Variants in LAMA4 observed in about 807,000 individuals in gnomAD.
LAMA4 encodes laminin subunit alpha-4.
A neutral mutation model predicts 207.1 loss-of-function variants in LAMA4; 127 were observed. The ratio of observed to expected loss-of-function variants is 0.61; its 90% CI spans 0.53 to 0.71. The LOEUF is 0.71. Ranked by LOEUF, LAMA4 falls within the 30% of genes least tolerant of loss-of-function variation. The pLI is 0.00. For synonymous variants in LAMA4, 761 were observed against 816.0 expected, an observed-to-expected ratio of 0.93 and a Z score of 1.15; for missense variants, 2,093 against 2,246.5, an observed-to-expected ratio of 0.93 and a Z score of 1.38.
chr6:112,141,297 C>T, intron 21 of LAMA4, 61 bp downstream of exon 21: 3 of 1,463,112 alleles, frequency 2.1e-6, no homozygotes, highest in South Asian at 2.3e-5. Context: ...CGCACATGTG[C>T]ACGTTCAACA....
chr6:112,186,370 C>T (rs1370965240), intron 8 of LAMA4, among the ~76,000 whole-genome samples: 1 of 152,186 alleles, frequency 6.6e-6, no homozygotes, highest in Non-Finnish European at 1.5e-5. Flanking sequence ...CAATCATTTT[C>T]CTAAATTGAC....
Position 112,172,437 on chromosome 6 carries a change from G to T in LAMA4, c.1551+174C>A, listed in dbSNP as rs782564570. 6.3e-6 allele frequency: 4 copies of T among 639,028 alleles called. No individual in the cohort carries two copies. The East Asian group carries it at 8.5e-5, about 14-fold the overall frequency. 39.6% of individuals were successfully genotyped at this position (639,028 alleles called of 1,614,324 possible). On this transcript the variant is annotated intron_variant, in intron 12 of 38. Transcript: ENST00000230538. ...TAGACAATTATCCTAGTTTCAACTT[G>T]ATTTTAGGAACACACAAGTTAGTAA...
Position 112,133,475 on chromosome 6 carries a change from T to G in LAMA4, c.3570A>C (p.Ala1190=), listed in dbSNP as rs1554330591. The G allele has an allele frequency of 6.2e-7, 1 of 1,613,654 alleles. No homozygotes were observed. The highest frequency in any genetic ancestry group is 2.2e-5 in the East Asian group (1 of 44,874). ...TGAAGTTGATATCTAGGGGAAGGTG[T>G]GCTCTGAGGGCCCTGGAAAAGAAAG... ...PEILQSRALR[A]HLPLDINFRG... The change falls in exon 27 of 39, where the codon GCA becomes GCC. Residue 1190 remains alanine, a synonymous_variant. Coordinates refer to ENST00000230538, the MANE Select transcript of LAMA4 (RefSeq NM_001105206.3).
chr6:112,248,392 G>A (rs1562110376), intron 2 of LAMA4, among the ~76,000 whole-genome samples: 3 of 151,768 alleles, frequency 2.0e-5, no homozygotes, highest in Admixed American at 6.6e-5. Flanking sequence ...CCAGCTACTC[G>A]GGAGGCTGAT....
At position 112,117,107 on chromosome 6, in the gene LAMA4, G is replaced by A. The variant is rs1002029959; in HGVS notation, c.4981+632C>T. 2.6e-5 allele frequency among the ~76,000 whole-genome samples: 4 copies of A among 152,102 alleles called. No homozygotes were observed. The highest frequency in any genetic ancestry group is 5.9e-5 in the Non-Finnish European group (4 of 68,014). ...ATCCTAATTCCGGGCACTTATTCTG[G>A]TGTCTTCCTCACACCCAGCGATTGC... On this transcript the variant is annotated intron_variant, in intron 35 of 38. Coordinates refer to ENST00000230538, the MANE Select transcript of LAMA4 (RefSeq NM_001105206.3). The surrounding 1 kb of genome is among the most constrained non-coding windows in gnomAD (Gnocchi z 4.5).
chr6:112,190,903 CT>C (rs1291096589), intron 6 of LAMA4, among the ~76,000 whole-genome samples: 2 of 86,602 alleles, frequency 2.3e-5, no homozygotes, highest in African/African-American at 4.4e-5. Context: ...TTCTTTCTTT[CT>C]TTCTTTCTTT....
chr6:112,138,474 C>T (rs1779485041), intron 24 of LAMA4, among the ~76,000 whole-genome samples: 1 of 152,124 alleles, frequency 6.6e-6, no homozygotes, highest in Non-Finnish European at 1.5e-5. Flanking sequence ...TACTTAATTA[C>T]ATTTTCTCAC....
rs141633339 is a variant in LAMA4, at chr6:112,178,169, C to T, written c.1141G>A (p.Ala381Thr). The T allele has an allele frequency of 1.2e-5, 20 of 1,613,772 alleles. No individual in the cohort carries two copies. The highest frequency in any genetic ancestry group is 1.2e-4 in the South Asian group (11 of 91,084). Residue 381 changes from alanine (A) to threonine (T), a missense_variant, in exon 10 of 39, where the codon GCA becomes ACA. Around this residue, in one of 3 missense-constraint regions of LAMA4, gnomAD observed 1,704 missense variants for 1,788.4 expected, o/e 0.95. Coordinates refer to ENST00000230538, the MANE Select transcript of LAMA4 (RefSeq NM_001105206.3). ...TGGGCTTGCTCTACCAGCTGACTTG[C>T]GTGGTTAATGGTGTCCATGCTTTCC... Reference protein sequence around the residue: ...QKESMDTINHASQLVEQAHDM... With the variant: ...QKESMDTINHTSQLVEQAHDM...
chr6:112,136,287 ATC>A, intron 24 of LAMA4, 33 bp from the exon 25 acceptor site: 1 of 1,565,690 alleles, frequency 6.4e-7, no homozygotes, highest in Non-Finnish European at 8.8e-7. Flanking sequence ...AGATAGGAAC[ATC>A]TGTTATGCGA....
intron 5 of LAMA4, among the ~76,000 whole-genome samples, chr6:112,195,323 G>C (rs138517800): frequency 6.6e-6 from 1 of 152,180 alleles, no homozygotes; most frequent in Non-Finnish European, 1.5e-5. Context: ...CTAGGAAAAC[G>C]TATGTAACCT....
intron 8 of LAMA4, chr6:112,187,157 G>A: frequency 4.1e-6 from 2 of 487,500 alleles, no homozygotes. Context: ...GGAAATAAGT[G>A]TTTCTCTTTC....
chr6:112,119,464 A>G (rs587759080), intron 33 of LAMA4, among the ~76,000 whole-genome samples, 153 bp from the exon 34 acceptor site: 20 of 152,222 alleles, frequency 1.3e-4, no homozygotes, highest in Admixed American at 3.9e-4. Context: ...GAAGGTCAGG[A>G]GTTTATCTCT....
In LAMA4 at chr6:112,201,691, A is replaced by T. The variant is rs1554352517; in HGVS notation, c.423-3T>A. The T allele has an allele frequency of 6.2e-7, 1 of 1,613,232 alleles. No homozygotes were observed. The highest frequency in any genetic ancestry group is 8.5e-7 in the Non-Finnish European group (1 of 1,179,256). ...TCCTATAGCAGGATTCTGCAAAACT[A>T]AAATTGGAAGCAAATATTGGAAGTC... On this transcript the variant is annotated splice_region_variant and splice_polypyrimidine_tract_variant and intron_variant, in intron 4 of 38. Coordinates refer to ENST00000230538, the MANE Select transcript of LAMA4 (RefSeq NM_001105206.3).
intron 2 of LAMA4, among the ~76,000 whole-genome samples, chr6:112,224,543 C>T (rs1370267758): frequency 1.3e-5 from 2 of 152,250 alleles, no homozygotes; most frequent in East Asian, 3.9e-4. Context: ...TGGCTGGGTG[C>T]GGTGGCTCAC....
Position 112,134,640 on chromosome 6 carries a change from TTAAC to T in LAMA4, c.3415-35_3415-32del, listed in dbSNP as rs781866261. On this transcript the variant is annotated intron_variant, in intron 25 of 38. Coordinates refer to ENST00000230538, the MANE Select transcript of LAMA4 (RefSeq NM_001105206.3). Reference sequence around the variant, plus strand: ...AGAGATAATATATAGTAAGCCTTGATTAACTATTTAATATTCAGTTCTTTGATGA... The same window carrying T: ...AGAGATAATATATAGTAAGCCTTGATTATTTAATATTCAGTTCTTTGATGA... 6 of 1,524,718 alleles carry T rather than the reference TTAAC, an allele frequency of 3.9e-6. No homozygotes were observed. In the African/African-American group the frequency reaches 5.5e-5, roughly 14 times the overall value. The allele number at this position is 1,524,718 out of a possible 1,614,324, so 94.4% of individuals were successfully genotyped here.
chr6:112,148,397 T>C, intron 17 of LAMA4, 61 bp from the exon 18 acceptor site: 1 of 1,545,686 alleles, frequency 6.5e-7, no homozygotes, highest in East Asian at 2.3e-5. Context: ...TTGGGGAACA[T>C]TAACACCCCT....
intron 11 of LAMA4, among the ~76,000 whole-genome samples, chr6:112,173,338 T>G (rs1781835027): frequency 6.6e-6 from 1 of 152,254 alleles, no homozygotes; most frequent in South Asian, 2.1e-4. Flanking sequence ...TGCATGTGTC[T>G]TTTATTCTCT....
rs968146909 is a variant in LAMA4, at chr6:112,122,054, G to A, written c.4435C>T (p.Arg1479Cys). Residue 1479 changes from arginine (R) to cysteine (C), a missense_variant, in exon 32 of 39, where the codon CGC (arginine) becomes TGC (cysteine). Physicochemically the swap from Arg to Cys is radical, Grantham distance 180. Around this residue, in one of 3 missense-constraint regions of LAMA4, gnomAD observed 383 missense variants for 437.8 expected, o/e 0.87. Transcript: ENST00000230538. Reference protein sequence around the residue: ...AYQYGGTANSRQEFEHLKGDF... With the variant: ...AYQYGGTANSCQEFEHLKGDF... ...CCTTTTAAGTGTTCAAACTCTTGGCGGCTGTTGGCTGTTCCTCCATATTGA... is the reference window on the plus strand; with the variant it reads ...CCTTTTAAGTGTTCAAACTCTTGGCAGCTGTTGGCTGTTCCTCCATATTGA... 5.6e-6 allele frequency: 9 copies of A among 1,613,786 alleles called. No individual in the cohort carries two copies. Among genetic ancestry groups the A allele is most frequent in the African/African-American group, 1.3e-5 (1 of 74,860 alleles).
chr6:112,216,016 C>A (rs1009459378), intron 3 of LAMA4, among the ~76,000 whole-genome samples: 1 of 152,176 alleles, frequency 6.6e-6, no homozygotes, highest in Non-Finnish European at 1.5e-5. Flanking sequence ...TGGAACGAAG[C>A]CAAACATATG....
Sources: allele counts gnomAD v4.1 joint callset (sites outside exome capture counted in the v4.1 genomes callset), GRCh38; gene constraint gnomAD v4.1.1; regional missense constraint gnomAD v4.1.1; non-coding constraint Gnocchi (gnomAD v3.1); transcripts MANE v1.5; gene names NCBI Gene and HGNC (gene_info 2026-07-23, HGNC 2026-07-21).